The following GRAMD1B variants were observed in gnomAD, a reference collection of about 807,000 sequenced individuals.
The protein encoded by GRAMD1B is GRAM domain containing 1B, also known as protein Aster-B.
GRAMD1B carries 37 observed loss-of-function variants against 99.7 expected under a neutral mutation model. The ratio of observed to expected loss-of-function variants is 0.37; its 90% CI spans 0.29 to 0.49. The LOEUF is 0.49. GRAMD1B is among the 20% of genes least tolerant of loss of function. The probability of loss-of-function intolerance (pLI) is 0.98; values close to 1 mark genes in which losing one functional copy is unlikely to be tolerated. For synonymous variants in GRAMD1B, 427 were observed against 387.6 expected (o/e 1.10, Z -1.19); for missense variants, 888 against 1,009.2 (o/e 0.88, Z 1.63).
At chr11:123,614,063 A>C (rs1028500875) in intron 16 of GRAMD1B, among the ~76,000 whole-genome samples, 14 of 152,108 alleles carry the variant, frequency 9.2e-5, no homozygotes, top group Non-Finnish European at 2.1e-4. Context: ...TTCAACCCGC[A>C]TGGGCCAACC....
intron 19 of GRAMD1B, among the ~76,000 whole-genome samples, chr11:123,620,715 C>T (rs530712513): frequency 3.1e-4 from 47 of 152,232 alleles, no homozygotes; most frequent in African/African-American, 1.1e-3. Flanking sequence ...CTTCAGACAC[C>T]CAGGCCAACA....
chr11:123,585,374 G>A (rs764075692), intron 4 of GRAMD1B, among the ~76,000 whole-genome samples: 2 of 152,192 alleles, frequency 1.3e-5, no homozygotes, highest in African/African-American at 4.8e-5. Context: ...CTCAAAGTCA[G>A]GCATGTGCTC....
intron 7 of GRAMD1B, chr11:123,598,891 T>A: frequency 7.5e-7 from 1 of 1,326,514 alleles, no homozygotes; most frequent in Non-Finnish European, 1.1e-6. Flanking sequence ...TCAAGCAGCA[T>A]CTCTAGGTAT....
chr11:123,542,698 G>C (rs1342805606), intron 2 of GRAMD1B, among the ~76,000 whole-genome samples: 1 of 152,108 alleles, frequency 6.6e-6, no homozygotes. Context: ...TGTTGCCCAG[G>C]GTGGAGTGCA....
chr11:123,405,237 A>C (rs1947815575), intron 1 of GRAMD1B, among the ~76,000 whole-genome samples: 1 of 151,202 alleles, frequency 6.6e-6, no homozygotes, highest in African/African-American at 2.4e-5. Context: ...AGAGAGAGAG[A>C]GACTGCCTAC....
intron 2 of GRAMD1B, among the ~76,000 whole-genome samples, chr11:123,559,416 TCA>T (rs1249116181): frequency 6.6e-6 from 1 of 152,206 alleles, no homozygotes; most frequent in Non-Finnish European, 1.5e-5. Flanking sequence ...TTTCCAGGAC[TCA>T]GTTTCCAGAT....
Position 123,510,747 on chromosome 11 carries a change from C to T in GRAMD1B, c.452+29854C>T, listed in dbSNP as rs575790583. On this transcript the variant is annotated intron_variant, in intron 2 of 19. Coordinates refer to ENST00000635736, the MANE Select transcript of GRAMD1B (RefSeq NM_001387025.1). This position sits in a 1 kb window ranked among gnomAD's most constrained non-coding sequence, Gnocchi z 4.3. Reference sequence around the variant, plus strand: ...ACTGTGCGTAAGTGGCTTCGCTTGGCGAGTTCTGCCTTTGGTTCACTTTTC... The same window carrying T: ...ACTGTGCGTAAGTGGCTTCGCTTGGTGAGTTCTGCCTTTGGTTCACTTTTC... Among the ~76,000 whole-genome samples, 146 of 152,262 alleles carry T rather than the reference C, an allele frequency of 9.6e-4. No homozygotes were observed. The highest frequency in any genetic ancestry group is 1.8e-3 in the Non-Finnish European group (124 of 68,040).
intron 1 of GRAMD1B, among the ~76,000 whole-genome samples, chr11:123,398,929 G>A (rs1054589446): frequency 4.9e-4 from 74 of 152,156 alleles, no homozygotes; most frequent in Middle Eastern, 3.4e-3. Flanking sequence ...ATTATTATAT[G>A]TATGTGATAA....
chr11:123,442,139 T>C (rs1860218806), intron 1 of GRAMD1B, among the ~76,000 whole-genome samples: 1 of 152,210 alleles, frequency 6.6e-6, no homozygotes, highest in Admixed American at 6.5e-5. Context: ...TCAATTTAAT[T>C]CTGGCACCTT....
chr11:123,414,747 T>G (rs957320125), intron 1 of GRAMD1B, among the ~76,000 whole-genome samples: 3 of 152,238 alleles, frequency 2.0e-5, no homozygotes, highest in Non-Finnish European at 4.4e-5. Flanking sequence ...GAACAGTGTC[T>G]GATTCATATA....
chr11:123,564,692 A>G (rs1276483724), intron 2 of GRAMD1B, among the ~76,000 whole-genome samples: 3 of 152,200 alleles, frequency 2.0e-5, no homozygotes, highest in Non-Finnish European at 4.4e-5. Context: ...CAACTGTTTG[A>G]TGGGTGGATG....
At chr11:123,586,924 G>A (rs1950137036) in intron 4 of GRAMD1B, among the ~76,000 whole-genome samples, 1 of 152,214 alleles carries the variant, frequency 6.6e-6, no homozygotes, top group Non-Finnish European at 1.5e-5. Flanking sequence ...CTTCAGATAG[G>A]TAAAGGCATT....
intron 1 of GRAMD1B, among the ~76,000 whole-genome samples, chr11:123,363,475 T>C (rs1203689764): frequency 6.6e-6 from 1 of 152,234 alleles, no homozygotes; most frequent in Non-Finnish European, 1.5e-5. Context: ...GAAAGGAACC[T>C]TGTTCTCTGG....
In GRAMD1B at chr11:123,622,669, A is replaced by T. The variant is rs577149264; in HGVS notation, c.*74A>T. On this transcript the variant is annotated 3_prime_UTR_variant, in exon 20 of 20. Transcript: ENST00000635736. ...TAGACCATATAAATATATATATATA[A>T]ATATATATATATACAGAATATAAAT... 90 of 335,388 alleles carry T rather than the reference A, an allele frequency of 2.7e-4. No homozygotes were observed. Among genetic ancestry groups the T allele is most frequent in the South Asian group, 1.5e-3 (24 of 16,502 alleles). 20.8% of individuals were successfully genotyped at this position (335,388 alleles called of 1,614,324 possible). A position where few individuals can be genotyped will look rare whatever the true frequency, so the allele number is the denominator to read the frequency against.
intron 1 of GRAMD1B, among the ~76,000 whole-genome samples, chr11:123,360,743 C>G (rs960211894): frequency 6.6e-6 from 1 of 151,012 alleles, no homozygotes; most frequent in African/African-American, 2.4e-5. Flanking sequence ...TTCTTTCCTT[C>G]CTTCTTTCCT....
chr11:123,518,230 G>A (rs772915416), intron 2 of GRAMD1B, among the ~76,000 whole-genome samples: 2 of 152,162 alleles, frequency 1.3e-5, no homozygotes, highest in Non-Finnish European at 2.9e-5. Context: ...ACACGGGGAT[G>A]AGCAAGCATG....
At chr11:123,548,383 CA>C (rs1221369675) in intron 2 of GRAMD1B, among the ~76,000 whole-genome samples, 50 of 148,632 alleles carry the variant, frequency 3.4e-4, no homozygotes, top group Non-Finnish European at 5.2e-4. Flanking sequence ...CACACACACA[CA>C]CACCCAGACA....
At chr11:123,618,259 G>T in intron 17 of GRAMD1B, 1 of 1,112,376 alleles carries the variant, frequency 9.0e-7, no homozygotes, top group South Asian at 1.3e-5. Flanking sequence ...CTCCCAGGTT[G>T]ATTTTCAGTG....
intron 17 of GRAMD1B, among the ~76,000 whole-genome samples, chr11:123,615,989 A>G (rs1008455989): frequency 4.6e-5 from 7 of 152,362 alleles, no homozygotes; most frequent in African/African-American, 1.7e-4. Flanking sequence ...TCTTCTGATG[A>G]CAGCATAAGA....
Sources: allele counts gnomAD v4.1 joint callset (sites outside exome capture counted in the v4.1 genomes callset), GRCh38; gene constraint gnomAD v4.1.1; non-coding constraint Gnocchi (gnomAD v3.1); transcripts MANE v1.5; gene names NCBI Gene and HGNC (gene_info 2026-07-23, HGNC 2026-07-21).